The following USP25 variants were observed in gnomAD, a reference collection of about 807,000 sequenced individuals.
USP25 encodes ubiquitin carboxyl-terminal hydrolase 25.
A neutral mutation model predicts 158.5 loss-of-function variants in USP25; 85 were observed. That is an observed-to-expected ratio of 0.54 (90% CI 0.45 to 0.64). The LOEUF (loss-of-function observed/expected upper bound fraction) is 0.64, where lower values mean the gene tolerates loss of function less well. USP25 is among the 30% of genes least tolerant of loss of function. The pLI, the probability that USP25 is intolerant of heterozygous loss-of-function variation, is 0.00. For missense variants in USP25, 1,242 were observed against 1,327.3 expected, an observed-to-expected ratio of 0.94 and a Z score of 1.00; for synonymous variants, 464 against 460.4, an observed-to-expected ratio of 1.01 and a Z score of -0.10.
At chr21:15,844,578 C>G (rs757017015) in intron 18 of USP25, among the ~76,000 whole-genome samples, 1 of 151,940 alleles carries the variant, frequency 6.6e-6, no homozygotes, top group African/African-American at 2.4e-5. Context: ...AGAAAAATTT[C>G]CTGGAAAGCG....
At chr21:15,819,934 C>T (rs1165956367) in intron 10 of USP25, among the ~76,000 whole-genome samples, 1 of 151,944 alleles carries the variant, frequency 6.6e-6, no homozygotes, top group Non-Finnish European at 1.5e-5. Flanking sequence ...AATAGTCTTT[C>T]TCTCTACATC....
chr21:15,834,830 T>C (rs972771991), intron 17 of USP25, among the ~76,000 whole-genome samples: 1 of 152,216 alleles, frequency 6.6e-6, no homozygotes, highest in African/African-American at 2.4e-5. Flanking sequence ...TCTACCATTA[T>C]GTAGGGCTGC....
chr21:15,775,490 A>G (rs1486867050), intron 3 of USP25, among the ~76,000 whole-genome samples: 1 of 152,144 alleles, frequency 6.6e-6, no homozygotes, highest in Non-Finnish European at 1.5e-5. Flanking sequence ...ACAATTAGGA[A>G]AGCGGCCTCT....
intron 20 of USP25, among the ~76,000 whole-genome samples, chr21:15,853,135 A>G (rs556130223): frequency 6.6e-6 from 1 of 152,310 alleles, no homozygotes; most frequent in Non-Finnish European, 1.5e-5. Context: ...GTTTATAACA[A>G]TGCACATATA....
intron 5 of USP25, among the ~76,000 whole-genome samples, chr21:15,792,911 T>C (rs562662044): frequency 1.3e-5 from 2 of 151,780 alleles, no homozygotes; most frequent in South Asian, 4.1e-4. Context: ...GTATCTTTGC[T>C]TCTAGCCTTG....
In USP25 at chr21:15,755,919, A is replaced by G. The variant is rs148588212; in HGVS notation, c.46-6972A>G. ...AGGAAGAGTAAATGATTTCAAGGGG[A>G]GATGAGTGTGCCTGAAGAGCAGACA... is the stretch of plus-strand genomic sequence containing the variant. On this transcript the variant is annotated intron_variant, in intron 1 of 25. Coordinates refer to ENST00000400183, the MANE Select transcript of USP25 (RefSeq NM_001283041.3). Among the ~76,000 whole-genome samples the G allele has an allele frequency of 3.0e-4, 46 of 152,208 alleles. 3 individuals carry two copies. In the East Asian group the frequency reaches 8.9e-3, roughly 29 times the overall value.
intron 1 of USP25, among the ~76,000 whole-genome samples, chr21:15,745,765 C>T (rs1456311295): frequency 6.6e-6 from 1 of 152,154 alleles, no homozygotes; most frequent in Admixed American, 6.5e-5. Context: ...CGTGAGCCAC[C>T]ACGCCCGGCT....
rs56292282 is a variant in USP25 at position 15,832,694 on chromosome 21, G to A, written c.1994-654G>A. On this transcript the variant is annotated intron_variant, in intron 16 of 25. Coordinates refer to ENST00000400183, the MANE Select transcript of USP25 (RefSeq NM_001283041.3). The stretch of plus-strand genomic sequence containing the variant: ...CTGGTATTTTCCAATAGTGGCAGAA[G>A]TAGTATTACATCACTGTTAGAGTAG... 6.2e-3 allele frequency among the ~76,000 whole-genome samples: 942 copies of A among 151,870 alleles called. 5 individuals carry two copies. The highest frequency in any genetic ancestry group is 0.021 in the African/African-American group (859 of 41,340).
chr21:15,811,865 C>A (rs78348462), intron 9 of USP25, among the ~76,000 whole-genome samples: 14,213 of 152,116 alleles, frequency 0.093, 683 homozygotes, highest in East Asian at 0.099. Context: ...GTTTTTCTCA[C>A]ATCACCCAAT....
chr21:15,756,131 C>A (rs1203965135), intron 1 of USP25, among the ~76,000 whole-genome samples: 1 of 152,060 alleles, frequency 6.6e-6, no homozygotes, highest in Non-Finnish European at 1.5e-5. Context: ...GTATGGTATG[C>A]CCAGGTGCAT....
Position 15,842,464 on chromosome 21 carries a change from A to G in USP25, c.2261A>G (p.Lys754Arg). Residue 754 changes from lysine (K) to arginine (R), a missense_variant, in exon 18 of 26, where the codon AAA becomes AGA. Physicochemically the swap from Lys to Arg is conservative, Grantham distance 26 (BLOSUM62 2). This residue lies in a region of USP25 where 608 missense variants were observed against 605.2 expected (regional missense o/e 1.00). Coordinates refer to ENST00000400183, the MANE Select transcript of USP25 (RefSeq NM_001283041.3). The part of the protein sequence containing the change: ...PSRSDFSKHL[K>R]EETIQIITKA... ...AGAAGTGATTTCTCAAAGCACTTGA[A>G]AGAAGAAACTATTCAAATAATTACC... 6.2e-7 allele frequency: 1 copy of G among 1,613,844 alleles called. No individual in the cohort carries two copies. Among genetic ancestry groups the G allele is most frequent in the East Asian group, 2.2e-5 (1 of 44,880 alleles).
At position 15,827,575 on chromosome 21, in the gene USP25, C is replaced by A. The variant is rs1039341373; in HGVS notation, c.1693+372C>A. Reference sequence around the variant, plus strand: ...TAAATCTAAGTTTGCACAGGGAGTTCCGGTGATTAAAAAATTTTCTTTGGG... The same window carrying A: ...TAAATCTAAGTTTGCACAGGGAGTTACGGTGATTAAAAAATTTTCTTTGGG... On this transcript the variant is annotated intron_variant, in intron 14 of 25. Transcript: ENST00000400183. Among the ~76,000 whole-genome samples, 8 of 151,996 alleles carry A rather than the reference C, an allele frequency of 5.3e-5. No homozygotes were observed. The East Asian group carries it at 1.5e-3, about 29-fold the overall frequency.
intron 8 of USP25, among the ~76,000 whole-genome samples, chr21:15,810,168 T>C (rs1393413433): frequency 6.6e-6 from 1 of 152,146 alleles, no homozygotes; most frequent in African/African-American, 2.4e-5. Context: ...ACAGTGTATC[T>C]TACCATGCAC....
intron 22 of USP25, among the ~76,000 whole-genome samples, chr21:15,869,147 C>CCTGTAATGCAAATGCACCTGTAATTCA (rs2039777658): frequency 6.6e-6 from 1 of 150,846 alleles, no homozygotes; most frequent in Non-Finnish European, 1.5e-5. Flanking sequence ...ACTTGGGAGA[C>CCTGTAATGCAAATGCACCTGTAATTCA]AGAGGTAGGA....
chr21:15,834,998 C>T (rs2037993668), intron 17 of USP25, among the ~76,000 whole-genome samples: 1 of 152,118 alleles, frequency 6.6e-6, no homozygotes, highest in African/African-American at 2.4e-5. Context: ...CATTTCTGTC[C>T]CTTTGTGATT....
intron 1 of USP25, among the ~76,000 whole-genome samples, chr21:15,749,379 C>T (rs2032816312): frequency 6.6e-6 from 1 of 152,014 alleles, no homozygotes; most frequent in Non-Finnish European, 1.5e-5. Context: ...CAAGGTTTGT[C>T]TTTGATTTTC....
chr21:15,866,290 T>C lies in USP25; in HGVS notation c.2751T>C (p.Ala917=). ...GGTGTCACAACATAATGAAAGTTGCTCAAGCCAAACTGGAAATGATAAAAC... is the reference window on the plus strand; with the variant it reads ...GGTGTCACAACATAATGAAAGTTGCCCAAGCCAAACTGGAAATGATAAAAC... ...DERCHNIMKV[A]QAKLEMIKPE... The change falls in exon 22 of 26, where the codon GCT becomes GCC. Residue 917 remains alanine (A), a synonymous_variant. Transcript: ENST00000400183. 6.2e-7 allele frequency: 1 copy of C among 1,605,166 alleles called. No homozygotes were observed. Among genetic ancestry groups the C allele is most frequent in the Non-Finnish European group, 8.5e-7 (1 of 1,175,766 alleles).
chr21:15,733,620 C>G (rs2031184513), intron 1 of USP25, among the ~76,000 whole-genome samples: 2 of 152,068 alleles, frequency 1.3e-5, no homozygotes, highest in Non-Finnish European at 2.9e-5. Context: ...GCAGGCGGAT[C>G]ACGAGGTCAG....
At chr21:15,799,625 TTG>T in intron 5 of USP25, 130 bp from the exon 6 acceptor site, 1 of 504,470 alleles carries the variant, frequency 2.0e-6, no homozygotes, top group Non-Finnish European at 3.5e-6. Context: ...TATGTCCTCC[TTG>T]TGCCAGTTGC....
Sources: allele counts gnomAD v4.1 joint callset (sites outside exome capture counted in the v4.1 genomes callset), GRCh38; gene constraint gnomAD v4.1.1; regional missense constraint gnomAD v4.1.1; transcripts MANE v1.5; gene names NCBI Gene and HGNC (gene_info 2026-07-23, HGNC 2026-07-21).